The following CTSO variants were observed in gnomAD, a reference collection of about 807,000 sequenced individuals.
The protein encoded by CTSO is cathepsin O.
In CTSO, 40 loss-of-function variants were observed where a neutral mutation model predicts 42.4. The observed-to-expected ratio is 0.94, with a 90% CI of 0.73 to 1.23. The LOEUF (loss-of-function observed/expected upper bound fraction) is 1.23. Among genes scored for constraint, CTSO ranks in the 50% most tolerant of loss-of-function variants. The pLI, the probability that CTSO is intolerant of heterozygous loss-of-function variation, is 0.00. For synonymous variants in CTSO, 156 were observed against 146.2 expected (o/e 1.07, Z -0.48); for missense variants, 441 against 396.0 (o/e 1.11, Z -0.96).
At position 155,942,453 on chromosome 4, in the gene CTSO, A is replaced by G. The variant is rs1284123703; in HGVS notation, c.248T>C (p.Ile83Thr). The G allele has an allele frequency of 2.0e-6, 3 of 1,520,610 alleles. No individual in the cohort carries two copies. The highest frequency in any genetic ancestry group is 4.0e-5 in the Admixed American group (2 of 50,146). 94.2% of individuals were successfully genotyped at this position (1,520,610 alleles called of 1,614,324 possible). A position where few individuals can be genotyped will look rare whatever the true frequency, so the allele number is the denominator to read the frequency against. Reference protein sequence around the residue: ...SYLFPEEFKAIYLRSKPSKFP... With the variant: ...SYLFPEEFKATYLRSKPSKFP... ...CTTGGAAGGTTTGCTTCTTAAATAA[A>G]TGGCTGAGTAGAAACATAAAATGAA... Residue 83 changes from isoleucine (I) to threonine (T), a missense_variant, in exon 3 of 8, where the codon ATT becomes ACT. Ile to Thr is a moderately conservative substitution (Grantham distance 89). Transcript: ENST00000433477.
At chr4:155,950,048 T>C (rs1187297925) in intron 1 of CTSO, among the ~76,000 whole-genome samples, 1 of 152,230 alleles carries the variant, frequency 6.6e-6, no homozygotes, top group Non-Finnish European at 1.5e-5. Flanking sequence ...AAAAGTTTCT[T>C]AGACAAAGTA....
chr4:155,953,828 G>T lies in CTSO; in HGVS notation c.20C>A (p.Pro7Gln). The T allele has an allele frequency of 1.5e-6, 2 of 1,307,770 alleles. No individual in the cohort carries two copies. The highest frequency in any genetic ancestry group is 9.7e-7 in the Non-Finnish European group (1 of 1,030,036). The allele number at this position is 1,307,770 out of a possible 1,614,324, so 81.0% of individuals were successfully genotyped here. A position where few individuals can be genotyped will look rare whatever the true frequency, so the allele number is the denominator to read the frequency against. Residue 7 changes from proline (P) to glutamine (Q), a missense_variant, in exon 1 of 8, where the codon CCG becomes CAG. Pro to Gln is a moderately conservative substitution (Grantham distance 76). Coordinates refer to ENST00000433477, the MANE Select transcript of CTSO (RefSeq NM_001334.3). Reference protein sequence around the residue: MDVRALPWLPWLLWLLC... With the variant: MDVRALQWLPWLLWLLC... Reference sequence around the variant, plus strand: ...CAGCCACAGCAGCCACGGCAGCCACGGCAGCGCCCGCACGTCCATTGCGGC... The same window carrying T: ...CAGCCACAGCAGCCACGGCAGCCACTGCAGCGCCCGCACGTCCATTGCGGC...
chr4:155,928,550 T>C, intron 6 of CTSO, 122 bp from the exon 7 acceptor site: 1 of 650,476 alleles, frequency 1.5e-6, no homozygotes, highest in East Asian at 2.8e-5. Context: ...AGATTAAAAA[T>C]GTAATTTAAT....
chr4:155,929,362 G>A (rs975600343), intron 6 of CTSO, among the ~76,000 whole-genome samples, 180 bp downstream of exon 6: 2 of 152,122 alleles, frequency 1.3e-5, no homozygotes, highest in Non-Finnish European at 2.9e-5. Context: ...GCTGGGTTAG[G>A]GTCTCCACAA....
intron 1 of CTSO, among the ~76,000 whole-genome samples, chr4:155,948,415 G>A (rs938649288): frequency 6.6e-6 from 1 of 151,854 alleles, no homozygotes; most frequent in African/African-American, 2.4e-5. Flanking sequence ...GTGTACTGGA[G>A]GTGATCACAT....
At chr4:155,941,574 CAT>C (rs534943917) in intron 3 of CTSO, among the ~76,000 whole-genome samples, 100 of 152,302 alleles carry the variant, frequency 6.6e-4, no homozygotes, top group African/African-American at 2.2e-3. Flanking sequence ...AATCAGTAAA[CAT>C]GTGTAAAACT....
At position 155,942,408 on chromosome 4, in the gene CTSO, T is replaced by C; in HGVS notation, c.293A>G (p.Glu98Gly). The C allele has an allele frequency of 6.3e-7, 1 of 1,586,746 alleles. No homozygotes were observed. Among genetic ancestry groups the C allele is most frequent in the Non-Finnish European group, 8.6e-7 (1 of 1,167,698 alleles). ...KPSKFPRYSA[E>G]VHMSIPNVSL... ...CACATTGGGGATGGACATATGTACT[T>C]CTGCTGAGTATCTGGGAAACTTGGA... The change falls in exon 3 of 8, where the codon GAA becomes GGA. Residue 98 changes from glutamate to glycine, a missense_variant. Coordinates refer to ENST00000433477, the MANE Select transcript of CTSO (RefSeq NM_001334.3).
intron 4 of CTSO, among the ~76,000 whole-genome samples, chr4:155,937,945 A>G (rs17033817): frequency 0.052 from 7,967 of 152,230 alleles, 613 homozygotes; most frequent in African/African-American, 0.16. Flanking sequence ...ATTATAAATT[A>G]AATCTTTAGG....
intron 1 of CTSO, among the ~76,000 whole-genome samples, chr4:155,947,053 G>A (rs1224629710): frequency 6.6e-6 from 1 of 152,048 alleles, no homozygotes; most frequent in Non-Finnish European, 1.5e-5. Context: ...GTAGAGATGA[G>A]GTTTCACCGT....
chr4:155,934,404 T>C (rs1743293264), intron 5 of CTSO, among the ~76,000 whole-genome samples: 1 of 152,002 alleles, frequency 6.6e-6, no homozygotes, highest in African/African-American at 2.4e-5. Context: ...AAATGTGGGG[T>C]TGGAGGCTCC....
rs1464770701 is a variant in CTSO, at chr4:155,928,422, G to T, written c.845C>A (p.Thr282Asn). 1 of 1,608,408 alleles carries T rather than the reference G, an allele frequency of 6.2e-7. No homozygotes were observed. Among genetic ancestry groups the T allele is most frequent in the Non-Finnish European group, 8.5e-7 (1 of 1,176,628 alleles). Reference protein sequence around the residue: ...LITGFDKTGSTPYWIVRNSWG... With the variant: ...LITGFDKTGSNPYWIVRNSWG... ...GGAATTCCGCACAATCCAATATGGAGTGCTTCCTACAGTGAAACATAAATA... is the reference window on the plus strand; with the variant it reads ...GGAATTCCGCACAATCCAATATGGATTGCTTCCTACAGTGAAACATAAATA... Residue 282 changes from threonine (T) to asparagine (N), a missense_variant, in exon 7 of 8, where the codon ACT becomes AAT. Transcript: ENST00000433477.
intron 4 of CTSO, among the ~76,000 whole-genome samples, chr4:155,938,716 G>C (rs1030864261): frequency 7.2e-5 from 11 of 152,110 alleles, no homozygotes; most frequent in African/African-American, 2.7e-4. Flanking sequence ...CACAAGGTCA[G>C]GAGATCGAGA....
intron 3 of CTSO, among the ~76,000 whole-genome samples, chr4:155,940,713 C>T (rs930833041): frequency 6.6e-6 from 1 of 151,940 alleles, no homozygotes. Flanking sequence ...CATGGTGGTG[C>T]GCACCTGTAA....
chr4:155,926,618 A>G (rs910467098), intron 7 of CTSO, among the ~76,000 whole-genome samples: 1 of 152,198 alleles, frequency 6.6e-6, no homozygotes, highest in Admixed American at 6.5e-5. Flanking sequence ...ATGAAATACT[A>G]TCTGCCTTAT....
Position 155,943,046 on chromosome 4 carries a change from T to C in CTSO, c.244+110A>G, listed in dbSNP as rs369865574. On this transcript the variant is annotated intron_variant, in intron 2 of 7. Coordinates refer to ENST00000433477, the MANE Select transcript of CTSO (RefSeq NM_001334.3). ...TGCCTGACATTTAGTAGACACTTAA[T>C]AAATGTTAACTATTACTCAATATAT... 1.4e-5 allele frequency: 10 copies of C among 693,630 alleles called. No individual in the cohort carries two copies. In the African/African-American group the frequency reaches 1.6e-4, roughly 11 times the overall value. The allele number at this position is 693,630 out of a possible 1,614,324, so 43.0% of individuals were successfully genotyped here. A position where few individuals can be genotyped will look rare whatever the true frequency, so the allele number is the denominator to read the frequency against.
intron 3 of CTSO, among the ~76,000 whole-genome samples, chr4:155,939,960 T>C (rs1743400110): frequency 6.6e-6 from 1 of 152,108 alleles, no homozygotes; most frequent in African/African-American, 2.4e-5. Flanking sequence ...ACACTCTGCT[T>C]CCATGGTCAT....
intron 1 of CTSO, among the ~76,000 whole-genome samples, chr4:155,950,121 A>G (rs74568475): frequency 0.077 from 11,690 of 152,304 alleles, 519 homozygotes; most frequent in Admixed American, 0.099. Flanking sequence ...ACTATGTATG[A>G]TAAGAAATGT....
intron 1 of CTSO, among the ~76,000 whole-genome samples, chr4:155,952,588 C>T (rs1743696041): frequency 6.6e-6 from 1 of 152,142 alleles, no homozygotes; most frequent in South Asian, 2.1e-4. Flanking sequence ...AAGAGGACTT[C>T]TGGTTTTGAA....
rs1349601267 is a variant in CTSO, at chr4:155,929,561, T to C, written c.819A>G (p.Ile273Met). Residue 273 changes from isoleucine (I) to methionine (M), a missense_variant, in exon 6 of 8, where the codon ATA becomes ATG. Ile to Met is a conservative substitution (Grantham distance 10). Coordinates refer to ENST00000433477, the MANE Select transcript of CTSO (RefSeq NM_001334.3). ...ACTTACCTGTTTTATCAAACCCAGT[T>C]ATGAGAACTGCATGATTTGCTTCTC... ...SSGEANHAVL[I>M]TGFDKTGSTP... 6.2e-7 allele frequency: 1 copy of C among 1,613,180 alleles called. No individual in the cohort carries two copies. Among genetic ancestry groups the C allele is most frequent in the Non-Finnish European group, 8.5e-7 (1 of 1,179,766 alleles).
Sources: gnomAD v4.1 joint callset for allele counts (sites outside exome capture counted in the v4.1 genomes callset) on GRCh38, gnomAD v4.1.1 for gene constraint, MANE v1.5 for transcripts, NCBI Gene and HGNC (gene_info 2026-07-23, HGNC 2026-07-21) for gene names.